The following ERGIC1 variants were observed in gnomAD, a reference collection of about 807,000 sequenced individuals.
The protein encoded by ERGIC1 is endoplasmic reticulum-Golgi intermediate compartment protein 1.
In ERGIC1, 19 loss-of-function variants were observed where a neutral mutation model predicts 38.3. That is an observed-to-expected ratio of 0.50 (90% CI 0.35 to 0.73). The LOEUF (loss-of-function observed/expected upper bound fraction) is 0.73. Among genes scored for constraint, ERGIC1 ranks in the 30% least tolerant of loss-of-function variants. The probability of loss-of-function intolerance (pLI) is 0.01; values close to 1 mark genes in which losing one functional copy is unlikely to be tolerated. For synonymous variants in ERGIC1, 124 were observed against 157.6 expected, an observed-to-expected ratio of 0.79 and a Z score of 1.60; for missense variants, 294 against 389.2, an observed-to-expected ratio of 0.76 and a Z score of 2.06.
intron 7 of ERGIC1, among the ~76,000 whole-genome samples, chr5:172,927,653 C>G (rs1392022232): frequency 6.7e-6 from 1 of 149,960 alleles, no homozygotes; most frequent in African/African-American, 2.5e-5. Context: ...AGTCTCGGCT[C>G]ACTGCAACCT....
chr5:172,861,056 T>C (rs747763320), intron 1 of ERGIC1, among the ~76,000 whole-genome samples: 1 of 152,140 alleles, frequency 6.6e-6, no homozygotes, highest in Non-Finnish European at 1.5e-5. Context: ...ACAAGCTGAG[T>C]CCTGCCCCAG....
intron 1 of ERGIC1, among the ~76,000 whole-genome samples, chr5:172,845,427 C>T (rs551011237): frequency 1.3e-5 from 2 of 152,142 alleles, no homozygotes; most frequent in African/African-American, 2.4e-5. Flanking sequence ...GTCCTCTTGC[C>T]GGAGGATGCT....
chr5:172,902,088 C>T (rs1762897048), intron 3 of ERGIC1, among the ~76,000 whole-genome samples: 1 of 152,228 alleles, frequency 6.6e-6, no homozygotes. Flanking sequence ...AGCACCTCCC[C>T]TCTGTTGTAC....
chr5:172,855,969 C>T (rs1262940239), intron 1 of ERGIC1, among the ~76,000 whole-genome samples: 5 of 152,214 alleles, frequency 3.3e-5, no homozygotes, highest in Non-Finnish European at 1.5e-5. Context: ...TCCACATCGA[C>T]TTGATGTTTT....
At chr5:172,885,150 G>C (rs1009183211) in intron 1 of ERGIC1, among the ~76,000 whole-genome samples, 1 of 151,998 alleles carries the variant, frequency 6.6e-6, no homozygotes, top group African/African-American at 2.4e-5. Context: ...ATATTTTTGA[G>C]ATAGGGTCTC....
intron 1 of ERGIC1, among the ~76,000 whole-genome samples, chr5:172,871,142 CAG>C (rs1761996340): frequency 2.0e-5 from 3 of 152,256 alleles, no homozygotes; most frequent in Non-Finnish European, 4.4e-5. Flanking sequence ...AGGGAGACCT[CAG>C]GGGCTGCAGA....
chr5:172,947,432 G>A (rs775409031), intron 9 of ERGIC1, among the ~76,000 whole-genome samples: 5 of 152,106 alleles, frequency 3.3e-5, no homozygotes, highest in African/African-American at 9.7e-5. Context: ...TCCATCTCCC[G>A]AAGTGCTGAG....
chr5:172,943,096 C>G (rs1561745932), intron 9 of ERGIC1, among the ~76,000 whole-genome samples: 1 of 152,172 alleles, frequency 6.6e-6, no homozygotes, highest in African/African-American at 2.4e-5. Flanking sequence ...AAGTCATTCC[C>G]TCTCTGACCC....
chr5:172,914,543 G>A (rs1375285066), intron 4 of ERGIC1, 171 bp from the exon 5 acceptor site: 1 of 1,088,792 alleles, frequency 9.2e-7, no homozygotes, highest in South Asian at 1.3e-5. Context: ...GTTTAGCGGA[G>A]TCATTGTCCT....
intron 1 of ERGIC1, among the ~76,000 whole-genome samples, chr5:172,882,520 T>C (rs999464400): frequency 1.3e-5 from 2 of 152,158 alleles, no homozygotes; most frequent in Non-Finnish European, 2.9e-5. Flanking sequence ...GGACTCAGAC[T>C]TGGGTTTGAA....
rs1218035292 is a variant in ERGIC1, at chr5:172,834,822, C to T, written c.20+389C>T. 6.6e-6 allele frequency among the ~76,000 whole-genome samples: 1 copy of T among 152,202 alleles called. No individual in the cohort carries two copies. Among genetic ancestry groups the T allele is most frequent in the East Asian group, 1.9e-4 (1 of 5,174 alleles). On this transcript the variant is annotated intron_variant, in intron 1 of 9. Coordinates refer to ENST00000393784, the MANE Select transcript of ERGIC1 (RefSeq NM_001031711.3). This position sits in a 1 kb window ranked among gnomAD's most constrained non-coding sequence, Gnocchi z 4.1. ...CCTTGGTGGACCCCACCTCAGCTGACAGGTGGGGCAGGGCACCTGGAATGA... is the reference window on the plus strand; with the variant it reads ...CCTTGGTGGACCCCACCTCAGCTGATAGGTGGGGCAGGGCACCTGGAATGA...
At position 172,909,686 on chromosome 5, in the gene ERGIC1, G is replaced by A. The variant is rs775711743; in HGVS notation, c.175G>A (p.Asp59Asn). ...TTEVVNELYV[D>N]DPDKDSGGKI... ...CCCTAGTGTGAACGAGCTCTATGTC[G>A]ATGACCCAGACAAGGACAGCGGTGG... The change falls in exon 4 of 10, where the codon GAT (aspartate) becomes AAT (asparagine). Residue 59 changes from aspartate to asparagine, a missense_variant. Asp to Asn is a conservative substitution (Grantham distance 23). Around this residue, in one of 3 missense-constraint regions of ERGIC1, gnomAD observed 163 missense variants for 225.8 expected, o/e 0.72. Coordinates refer to ENST00000393784, the MANE Select transcript of ERGIC1 (RefSeq NM_001031711.3). 4.3e-6 allele frequency: 7 copies of A among 1,614,042 alleles called. No individual in the cohort carries two copies. The highest frequency in any genetic ancestry group is 2.7e-5 in the African/African-American group (2 of 74,930).
At chr5:172,920,693 G>T in intron 5 of ERGIC1, 2 of 499,070 alleles carry the variant, frequency 4.0e-6, no homozygotes, top group Non-Finnish European at 7.3e-6. Context: ...GGCAGGGGTG[G>T]CAGGTGCTGA....
At chr5:172,880,675 G>A (rs1762256011) in intron 1 of ERGIC1, among the ~76,000 whole-genome samples, 1 of 152,228 alleles carries the variant, frequency 6.6e-6, no homozygotes, top group South Asian at 2.1e-4. Flanking sequence ...AAGTGAGCAA[G>A]GCACACCTCT....
At chr5:172,894,077 CTA>C (rs1762656612) in intron 2 of ERGIC1, among the ~76,000 whole-genome samples, 1 of 92,668 alleles carries the variant, frequency 1.1e-5, no homozygotes, top group Non-Finnish European at 2.2e-5. Flanking sequence ...GCATTGTTAA[CTA>C]TTTTTTTCTT....
At chr5:172,867,632 C>A in intron 1 of ERGIC1, 1 of 348,330 alleles carries the variant, frequency 2.9e-6, no homozygotes, top group Non-Finnish European at 5.9e-6. Flanking sequence ...GGAGGGCACT[C>A]ACCTCTCCCT....
intron 3 of ERGIC1, among the ~76,000 whole-genome samples, chr5:172,899,397 A>C (rs779155658): frequency 9.2e-5 from 13 of 141,586 alleles, no homozygotes; most frequent in Non-Finnish European, 1.7e-4. Flanking sequence ...GGCTCACTGC[A>C]AGCTCCGCCT....
At chr5:172,870,028 G>A (rs1053623866) in intron 1 of ERGIC1, among the ~76,000 whole-genome samples, 4 of 152,122 alleles carry the variant, frequency 2.6e-5, no homozygotes, top group African/African-American at 9.7e-5. Flanking sequence ...TGATCTTGAA[G>A]CTCCCTTCTG....
chr5:172,919,815 G>A (rs772540077), intron 5 of ERGIC1, among the ~76,000 whole-genome samples: 2 of 152,178 alleles, frequency 1.3e-5, no homozygotes, highest in Non-Finnish European at 1.5e-5. Flanking sequence ...CATGGAGGGC[G>A]TCCAAGAAAT....
Sources: allele counts gnomAD v4.1 joint callset (sites outside exome capture counted in the v4.1 genomes callset), GRCh38; gene constraint gnomAD v4.1.1; regional missense constraint gnomAD v4.1.1; non-coding constraint Gnocchi (gnomAD v3.1); transcripts MANE v1.5; gene names NCBI Gene and HGNC (gene_info 2026-07-23, HGNC 2026-07-21).